The following FHIT variants were observed in gnomAD, a reference collection of about 807,000 sequenced individuals.
The protein encoded by FHIT is fragile histidine triad diadenosine triphosphatase, also known as bis(5'-adenosyl)-triphosphatase.
FHIT carries 19 observed loss-of-function variants against 17.9 expected under a neutral mutation model. The observed-to-expected ratio is 1.06, with a 90% confidence interval of 0.74 to 1.56. The LOEUF is 1.56. Among genes scored for constraint, FHIT ranks in the 40% most tolerant of loss-of-function variants. The probability of loss-of-function intolerance (pLI) is 0.00; values close to 1 mark genes in which losing one functional copy is unlikely to be tolerated. For missense variants in FHIT, 248 were observed against 189.2 expected (o/e 1.31, Z -1.82); for synonymous variants, 81 against 69.7 (o/e 1.16, Z -0.81).
intron 5 of FHIT, among the ~76,000 whole-genome samples, chr3:60,490,513 C>T (rs12330860): frequency 0.096 from 14,642 of 151,976 alleles, 1,121 homozygotes; most frequent in East Asian, 0.39. Context: ...TTTCCCCAAT[C>T]CAAAACTGTA....
intron 5 of FHIT, among the ~76,000 whole-genome samples, chr3:60,390,761 A>T (rs1253814411): frequency 6.6e-6 from 1 of 152,122 alleles, no homozygotes; most frequent in Non-Finnish European, 1.5e-5. Flanking sequence ...ATTTAAAAAT[A>T]AAAAAATACA....
At chr3:59,903,522 G>A (rs1014811727) in intron 8 of FHIT, among the ~76,000 whole-genome samples, 6 of 152,110 alleles carry the variant, frequency 3.9e-5, no homozygotes, top group South Asian at 2.1e-4. Flanking sequence ...TGGTCACTAC[G>A]GTTATCATTC....
At chr3:60,649,795 C>T (rs1052507138) in intron 4 of FHIT, among the ~76,000 whole-genome samples, 1 of 151,798 alleles carries the variant, frequency 6.6e-6, no homozygotes, top group Admixed American at 6.6e-5. Flanking sequence ...CTTTTATAAT[C>T]TGGAAAAAAA....
chr3:61,211,123 A>G (rs550766305), intron 1 of FHIT, among the ~76,000 whole-genome samples: 2 of 151,914 alleles, frequency 1.3e-5, no homozygotes, highest in African/African-American at 2.4e-5. Context: ...TACCAGGTTC[A>G]TCTCACTAGG....
intron 5 of FHIT, among the ~76,000 whole-genome samples, chr3:60,403,550 C>G (rs914262812): frequency 2.0e-5 from 3 of 152,152 alleles, no homozygotes; most frequent in Non-Finnish European, 4.4e-5. Context: ...TCCCTACCAC[C>G]TTCCTGCATA....
intron 5 of FHIT, among the ~76,000 whole-genome samples, chr3:60,132,209 T>C (rs1699623908): frequency 1.3e-5 from 2 of 152,190 alleles, no homozygotes; most frequent in Admixed American, 6.5e-5. Context: ...ATAATAATTC[T>C]GATTGATCAT....
intron 4 of FHIT, among the ~76,000 whole-genome samples, chr3:60,569,508 G>A (rs1316481126): frequency 6.6e-6 from 1 of 151,696 alleles, no homozygotes; most frequent in Non-Finnish European, 1.5e-5. Context: ...ACTGAGTAAT[G>A]AGTTAGCAGG....
At chr3:59,865,489 G>A (rs576641427) in intron 8 of FHIT, among the ~76,000 whole-genome samples, 2 of 152,326 alleles carry the variant, frequency 1.3e-5, no homozygotes, top group Middle Eastern at 3.4e-3. Context: ...AAAATGGGAA[G>A]CCTTTATGTC....
In FHIT at chr3:60,122,091, T is replaced by C. The variant is rs566615719; in HGVS notation, c.104-107939A>G. On this transcript the variant is annotated intron_variant, in intron 5 of 9. Transcript: ENST00000492590. ...GAGAATGCACAAAAGTTTTCTTTTC[T>C]TCAGAAGAGAAATTGCAACTAAAAA... Among the ~76,000 whole-genome samples the C allele has an allele frequency of 4.0e-5, 6 of 150,568 alleles. 1 individual carries two copies. The South Asian group carries it at 1.3e-3, about 32-fold the overall frequency.
intron 4 of FHIT, among the ~76,000 whole-genome samples, chr3:60,581,734 A>T (rs552219131): frequency 4.3e-4 from 66 of 152,196 alleles, no homozygotes; most frequent in Admixed American, 7.9e-4. Context: ...ATGTTTCTGC[A>T]GAGTTTAGTG....
At chr3:60,359,405 C>T (rs1291454710) in intron 5 of FHIT, among the ~76,000 whole-genome samples, 7 of 151,446 alleles carry the variant, frequency 4.6e-5, no homozygotes, top group African/African-American at 1.7e-4. Context: ...CTCAGCCTCC[C>T]AAGTAGCTGA....
At chr3:60,474,710 G>A (rs528251060) in intron 5 of FHIT, among the ~76,000 whole-genome samples, 158 of 151,280 alleles carry the variant, frequency 1.0e-3, no homozygotes, top group African/African-American at 3.7e-3. Flanking sequence ...CACAACCTCT[G>A]CCTCCCGGGT....
chr3:60,582,179 C>A (rs1233829871), intron 4 of FHIT, among the ~76,000 whole-genome samples: 1 of 151,946 alleles, frequency 6.6e-6, no homozygotes, highest in Admixed American at 6.6e-5. Flanking sequence ...TGGGGTGCAA[C>A]CGAGACATCA....
At chr3:60,050,488 T>G (rs960888755) in intron 5 of FHIT, among the ~76,000 whole-genome samples, 2 of 152,154 alleles carry the variant, frequency 1.3e-5, no homozygotes, top group African/African-American at 4.8e-5. Flanking sequence ...TACTTGCCAT[T>G]TGAGAATCTG....
chr3:61,043,279 T>C (rs760590319), intron 2 of FHIT, among the ~76,000 whole-genome samples: 8 of 152,194 alleles, frequency 5.3e-5, no homozygotes, highest in Non-Finnish European at 8.8e-5. Context: ...CCAACTGTCT[T>C]AGCAAATGGC....
intron 3 of FHIT, among the ~76,000 whole-genome samples, chr3:60,899,181 C>T (rs1434590342): frequency 6.6e-6 from 1 of 152,136 alleles, no homozygotes; most frequent in African/African-American, 2.4e-5. Flanking sequence ...GAAACACTTG[C>T]TTTAAAATTC....
At chr3:60,834,425 T>C (rs905697772) in intron 3 of FHIT, among the ~76,000 whole-genome samples, 5 of 152,338 alleles carry the variant, frequency 3.3e-5, no homozygotes, top group African/African-American at 1.2e-4. Flanking sequence ...TGTCTGGCCA[T>C]GTATTTTCTA....
intron 5 of FHIT, among the ~76,000 whole-genome samples, chr3:60,160,371 T>A (rs890495087): frequency 5.3e-5 from 8 of 152,218 alleles, no homozygotes. Flanking sequence ...GGCCAGGACT[T>A]CCTGGCTTCC....
At chr3:59,945,665 T>G (rs541732441) in intron 7 of FHIT, among the ~76,000 whole-genome samples, 1 of 152,278 alleles carries the variant, frequency 6.6e-6, no homozygotes, top group Non-Finnish European at 1.5e-5. Context: ...TTCAGTAGTT[T>G]TAGGTTTTAC....
Sources: gnomAD v4.1 joint callset for allele counts (sites outside exome capture counted in the v4.1 genomes callset) on GRCh38, gnomAD v4.1.1 for gene constraint, MANE v1.5 for transcripts, NCBI Gene and HGNC (gene_info 2026-07-23, HGNC 2026-07-21) for gene names.